The following ATAD1 variants were observed in gnomAD, a reference collection of about 807,000 sequenced individuals.
ATAD1 encodes ATPase family AAA domain containing 1.
A neutral mutation model predicts 42.7 loss-of-function variants in ATAD1; 18 were observed. The ratio of observed to expected loss-of-function variants is 0.42; its 90% confidence interval spans 0.29 to 0.63. The LOEUF (loss-of-function observed/expected upper bound fraction) is 0.63, where lower values mean the gene tolerates loss of function less well. ATAD1 is among the 20% of genes least tolerant of loss of function. The probability of loss-of-function intolerance (pLI) is 0.19; values close to 1 mark genes in which losing one functional copy is unlikely to be tolerated. For missense variants in ATAD1, 294 were observed against 440.4 expected, an observed-to-expected ratio of 0.67 and a Z score of 2.98; for synonymous variants, 132 against 143.1, an observed-to-expected ratio of 0.92 and a Z score of 0.55.
intron 5 of ATAD1, among the ~76,000 whole-genome samples, chr10:87,777,660 T>C (rs1368865919): frequency 6.6e-6 from 1 of 152,118 alleles, no homozygotes; most frequent in Non-Finnish European, 1.5e-5. Flanking sequence ...TCAAATGTTT[T>C]GTCTTATATC....
At chr10:87,781,817 A>AT (rs953052054) in intron 5 of ATAD1, among the ~76,000 whole-genome samples, 60 of 150,688 alleles carry the variant, frequency 4.0e-4, no homozygotes, top group Middle Eastern at 3.4e-3. Context: ...TAATTTTTGT[A>AT]TTTTTTTTTG....
chr10:87,802,941 A>C (rs1272282232), intron 2 of ATAD1, among the ~76,000 whole-genome samples: 1 of 151,816 alleles, frequency 6.6e-6, no homozygotes, highest in Non-Finnish European at 1.5e-5. Flanking sequence ...TTTTTCCCCC[A>C]TTTTTCCTAA....
chr10:87,771,942 C>A (rs1855051313), intron 6 of ATAD1, among the ~76,000 whole-genome samples: 1 of 152,054 alleles, frequency 6.6e-6, no homozygotes, highest in Non-Finnish European at 1.5e-5. Context: ...TCTAACATTA[C>A]CTTATTTCTC....
upstream of ATAD1, chr10:87,818,495 C>T (rs180944984): frequency 2.7e-3 from 431 of 157,872 alleles, no homozygotes; most frequent in Admixed American, 7.9e-3. Flanking sequence ...AGTCCCTGCC[C>T]TTCTCGCGGG....
At chr10:87,784,339 A>T (rs1193099907) in intron 5 of ATAD1, 131 bp downstream of exon 5, 4 of 773,948 alleles carry the variant, frequency 5.2e-6, no homozygotes, top group Non-Finnish European at 8.1e-6. Context: ...AATTATACAT[A>T]GCATATTATG....
chr10:87,784,327 G>T, intron 5 of ATAD1, 143 bp downstream of exon 5: 1 of 730,298 alleles, frequency 1.4e-6, no homozygotes, highest in Non-Finnish European at 2.2e-6. Context: ...CTACAACACA[G>T]AAATTATACA....
At chr10:87,790,092 G>A (rs1165183069) in intron 4 of ATAD1, among the ~76,000 whole-genome samples, 2 of 152,148 alleles carry the variant, frequency 1.3e-5, no homozygotes, top group Non-Finnish European at 2.9e-5. Flanking sequence ...GAAATTGAAG[G>A]AGATTATTTT....
Position 87,811,755 on chromosome 10 carries a change from G to A in ATAD1, c.162+2683C>T, listed in dbSNP as rs184260585. ...ACGACTTCAACTACTTATAACCATC[G>A]ATAAGGAAATATACCTCTGGATTGA... On this transcript the variant is annotated intron_variant, in intron 2 of 9. Transcript: ENST00000680024. Among the ~76,000 whole-genome samples, 186 of 152,196 alleles carry A rather than the reference G, an allele frequency of 1.2e-3. 1 individual carries two copies. Among genetic ancestry groups the A allele is most frequent in the Middle Eastern group, 3.4e-3 (1 of 292 alleles).
At chr10:87,776,267 T>G in intron 6 of ATAD1, 54 bp downstream of exon 6, 1 of 1,399,154 alleles carries the variant, frequency 7.1e-7, no homozygotes, top group South Asian at 1.2e-5. Context: ...CAGCAAATTT[T>G]CTATTAAGAA....
chr10:87,817,505 T>C (rs1157383749), intron 1 of ATAD1, among the ~76,000 whole-genome samples: 1 of 152,152 alleles, frequency 6.6e-6, no homozygotes, highest in African/African-American at 2.4e-5. Flanking sequence ...TACTACCTCA[T>C]CTATGAGCAA....
chr10:87,774,945 AC>A (rs574473616), intron 6 of ATAD1, among the ~76,000 whole-genome samples: 111 of 152,254 alleles, frequency 7.3e-4, no homozygotes, highest in Middle Eastern at 3.4e-3. Context: ...ACAGAGTGAG[AC>A]CCTGTCTCAA....
chr10:87,835,759 G>A (rs1369993813), intron 1 of ATAD1, among the ~76,000 whole-genome samples: 1 of 151,100 alleles, frequency 6.6e-6, no homozygotes, highest in Non-Finnish European at 1.5e-5. Context: ...CTTCTTTTGG[G>A]GCATTTGTAT....
intron 7 of ATAD1, among the ~76,000 whole-genome samples, chr10:87,768,617 A>G (rs1854879593): frequency 6.6e-6 from 1 of 152,214 alleles, no homozygotes; most frequent in Non-Finnish European, 1.5e-5. Context: ...AAATGGAATA[A>G]AATGGAGGTT....
intron 2 of ATAD1, among the ~76,000 whole-genome samples, chr10:87,812,649 T>A (rs1266888499): frequency 6.6e-6 from 1 of 152,100 alleles, no homozygotes; most frequent in African/African-American, 2.4e-5. Context: ...GCCAAGCAAA[T>A]CCCATTTCAT....
chr10:87,818,060 C>T (rs1564785504), intron 1 of ATAD1, 107 bp downstream of exon 1: 1 of 985,674 alleles, frequency 1.0e-6, no homozygotes, highest in Non-Finnish European at 1.2e-6. Context: ...GGGAGAAGAC[C>T]GGGGTGACCT....
chr10:87,824,021 C>G (rs568073094), intron 1 of ATAD1, among the ~76,000 whole-genome samples: 24 of 152,154 alleles, frequency 1.6e-4, no homozygotes, highest in Non-Finnish European at 2.6e-4. Context: ...TGTTAGTTCC[C>G]GTAATTCACT....
chr10:87,791,030 C>CAAAAAAAA (rs34722647), intron 3 of ATAD1, among the ~76,000 whole-genome samples: 8 of 66,278 alleles, frequency 1.2e-4, no homozygotes, highest in East Asian at 4.5e-4. Context: ...ACTAAAATTA[C>CAAAAAAAA]AAAAAAAAAA....
chr10:87,767,537 A>C, intron 8 of ATAD1, 136 bp downstream of exon 8: 2 of 795,660 alleles, frequency 2.5e-6, no homozygotes, highest in Non-Finnish European at 2.1e-6. Context: ...GCCATAGACC[A>C]GTACCAGTCT....
intron 2 of ATAD1, among the ~76,000 whole-genome samples, chr10:87,793,775 A>AC (rs1203720592): frequency 5.9e-5 from 9 of 152,204 alleles, no homozygotes; most frequent in Non-Finnish European, 1.0e-4. Flanking sequence ...AATCATGTTT[A>AC]CCTAAGTTTT....
Sources: gnomAD v4.1 joint callset for allele counts (sites outside exome capture counted in the v4.1 genomes callset) on GRCh38, gnomAD v4.1.1 for gene constraint, MANE v1.5 for transcripts, NCBI Gene and HGNC (gene_info 2026-07-23, HGNC 2026-07-21) for gene names.